The following SLC25A40 variants were observed in gnomAD, a reference collection of about 807,000 sequenced individuals.
SLC25A40 encodes solute carrier family 25 member 40.
Under a neutral mutation model 46.5 loss-of-function variants are expected in SLC25A40, and 41 were observed. The observed-to-expected ratio is 0.88, with a 90% CI of 0.69 to 1.14. The LOEUF (loss-of-function observed/expected upper bound fraction) is 1.14. Ranked by LOEUF, SLC25A40 falls within the 50% of genes most tolerant of loss-of-function variation. SLC25A40 has a pLI of 0.00. For synonymous variants in SLC25A40, 126 were observed against 127.5 expected (o/e 0.99, Z 0.08); for missense variants, 386 against 393.6 (o/e 0.98, Z 0.16).
intron 8 of SLC25A40, among the ~76,000 whole-genome samples, chr7:87,844,865 A>T (rs974373612): frequency 1.2e-4 from 18 of 152,184 alleles, no homozygotes; most frequent in African/African-American, 4.3e-4. Flanking sequence ...TGATGAAGAA[A>T]AACTTGAATC....
intron 11 of SLC25A40, 88 bp from the exon 12 acceptor site, chr7:87,836,449 T>C (rs1584320415): frequency 2.4e-6 from 2 of 845,938 alleles, no homozygotes; most frequent in East Asian, 6.3e-5. Context: ...TTCTGATAAT[T>C]ATCAAATTAA....
At position 87,858,670 on chromosome 7, in the gene SLC25A40, G is replaced by C; in HGVS notation, c.58C>G (p.Leu20Val). Residue 20 changes from leucine (L) to valine (V), a missense_variant, in exon 3 of 12, where the codon CTT (leucine) becomes GTT (valine). Physicochemically the swap from Leu to Val is conservative, Grantham distance 32. Transcript: ENST00000341119. ...IIKVTPLQQM[L>V]ASCTGAILTS... Reference sequence around the variant, plus strand: ...AGTATAGCTCCAGTACATGAGGCAAGCATTTGTTGAAGAGGTGTCACTTTG... The same window carrying C: ...AGTATAGCTCCAGTACATGAGGCAACCATTTGTTGAAGAGGTGTCACTTTG... 6.2e-7 allele frequency: 1 copy of C among 1,612,018 alleles called. No individual in the cohort carries two copies. The highest frequency in any genetic ancestry group is 1.7e-4 in the Middle Eastern group (1 of 6,002).
intron 1 of SLC25A40, among the ~76,000 whole-genome samples, chr7:87,874,875 G>T (rs1232053734): frequency 6.6e-6 from 1 of 152,052 alleles, no homozygotes; most frequent in Non-Finnish European, 1.5e-5. Context: ...TTTCATCAAC[G>T]ACGCTTATAA....
chr7:87,865,811 G>A (rs1838785879), intron 1 of SLC25A40, among the ~76,000 whole-genome samples: 1 of 152,172 alleles, frequency 6.6e-6, no homozygotes, highest in Admixed American at 6.5e-5. Flanking sequence ...ACTGTGCACA[G>A]TGGTCCATGC....
At chr7:87,852,928 T>C (rs1838540670) in intron 5 of SLC25A40, among the ~76,000 whole-genome samples, 1 of 152,174 alleles carries the variant, frequency 6.6e-6, no homozygotes, top group Non-Finnish European at 1.5e-5. Context: ...AGTGTAACAG[T>C]AGATAAAAAG....
chr7:87,846,446 A>C (rs2131001536), intron 8 of SLC25A40, among the ~76,000 whole-genome samples: 1 of 152,276 alleles, frequency 6.6e-6, no homozygotes, highest in Admixed American at 6.5e-5. Flanking sequence ...CACTTTTCAT[A>C]ATTTTCTCCC....
At position 87,847,129 on chromosome 7, in the gene SLC25A40, C is replaced by T. The variant is rs1838433722; in HGVS notation, c.458-7G>A. On this transcript the variant is annotated splice_region_variant and splice_polypyrimidine_tract_variant and intron_variant, in intron 7 of 11. Transcript: ENST00000341119. ...ATCACAGTTACTGCACCAACTAATA[C>T]AAACAAGTTAAAAAAAAGAAAACAA... 1 of 1,569,798 alleles carries T rather than the reference C, an allele frequency of 6.4e-7. No individual in the cohort carries two copies. The highest frequency in any genetic ancestry group is 2.3e-5 in the East Asian group (1 of 44,328).
At chr7:87,847,767 A>G in intron 7 of SLC25A40, 86 bp downstream of exon 7, 5 of 1,325,020 alleles carry the variant, frequency 3.8e-6, no homozygotes, top group Non-Finnish European at 5.1e-6. Context: ...AATACTCTAT[A>G]TATTATACAA....
rs959430870 is a variant in SLC25A40, at chr7:87,843,921, A to G, written c.632-58T>C. The G allele has an allele frequency of 8.2e-6, 12 of 1,471,116 alleles. No homozygotes were observed. In the Admixed American group the frequency reaches 2.5e-4, roughly 31 times the overall value. The allele number at this position is 1,471,116 out of a possible 1,614,324, so 91.1% of individuals were successfully genotyped here. ...TTAGAAATAAAATGTGGACTTTAATAAAAGAGTTATGAGGTTATATATTCA... is the reference window on the plus strand; with the variant it reads ...TTAGAAATAAAATGTGGACTTTAATGAAAGAGTTATGAGGTTATATATTCA... On this transcript the variant is annotated intron_variant, in intron 8 of 11. Coordinates refer to ENST00000341119, the MANE Select transcript of SLC25A40 (RefSeq NM_018843.4).
At chr7:87,856,260 CAT>C in intron 4 of SLC25A40, 30 bp downstream of exon 4, 1 of 1,465,942 alleles carries the variant, frequency 6.8e-7, no homozygotes. Flanking sequence ...AAAAATCAAA[CAT>C]AACATTTTTA....
chr7:87,858,109 C>G (rs780758357), intron 3 of SLC25A40, among the ~76,000 whole-genome samples: 1 of 152,192 alleles, frequency 6.6e-6, no homozygotes, highest in African/African-American at 2.4e-5. Flanking sequence ...GCAACTCCAC[C>G]CTGGTAAATT....
chr7:87,864,081 T>G (rs2131017816), intron 1 of SLC25A40, among the ~76,000 whole-genome samples: 1 of 152,370 alleles, frequency 6.6e-6, no homozygotes, highest in South Asian at 2.1e-4. Context: ...CAGTTAGGGC[T>G]GTGTAGTTTA....
chr7:87,863,730 T>C (rs538744551), intron 1 of SLC25A40, among the ~76,000 whole-genome samples: 5 of 152,260 alleles, frequency 3.3e-5, no homozygotes, highest in African/African-American at 1.2e-4. Flanking sequence ...AACATTCGAA[T>C]TATCTTCCAG....
At chr7:87,846,820 AAGG>A (rs1269230429) in intron 8 of SLC25A40, 126 bp downstream of exon 8, 5 of 604,898 alleles carry the variant, frequency 8.3e-6, no homozygotes, top group Non-Finnish European at 1.3e-5. Context: ...AACAATGAAA[AAGG>A]AGTTTGTGGT....
chr7:87,852,758 A>G (rs1463225761), intron 5 of SLC25A40, among the ~76,000 whole-genome samples: 3 of 152,194 alleles, frequency 2.0e-5, no homozygotes, highest in African/African-American at 4.8e-5. Flanking sequence ...AGGTGCAAAA[A>G]GCAACTCAAT....
rs570335711 is a variant in SLC25A40 at position 87,858,549 on chromosome 7, G to C, written c.97+82C>G. 7 of 781,174 alleles carry C rather than the reference G, an allele frequency of 9.0e-6. No individual in the cohort carries two copies. In the East Asian group the frequency reaches 1.8e-4, roughly 20 times the overall value. The allele number at this position is 781,174 out of a possible 1,614,324, so 48.4% of individuals were successfully genotyped here. ...CTTATGGAAAATAGAAAGAAACTAC[G>C]TTGAAATACTGATACTAAAACTCAA... On this transcript the variant is annotated intron_variant, in intron 3 of 11. Coordinates refer to ENST00000341119, the MANE Select transcript of SLC25A40 (RefSeq NM_018843.4).
At chr7:87,842,746 A>G (rs1371375383) in intron 9 of SLC25A40, among the ~76,000 whole-genome samples, 1 of 152,100 alleles carries the variant, frequency 6.6e-6, no homozygotes, top group Non-Finnish European at 1.5e-5. Context: ...ACAAACCTTT[A>G]TTTGAAAGCT....
rs927495549 is a variant in SLC25A40 at position 87,834,366 on chromosome 7, C to CTT, written c.*1881_*1882dup. On this transcript the variant is annotated 3_prime_UTR_variant, in exon 12 of 12. Transcript: ENST00000341119. ...TATTATTATAGCAAAATTCTGAACA[C>CTT]TTTTTGGTTGTTAGTATATTTTAAA... 3 of 151,540 alleles carry CTT rather than the reference C, an allele frequency of 2.0e-5. No individual in the cohort carries two copies. The highest frequency in any genetic ancestry group is 4.4e-5 in the Non-Finnish European group (3 of 67,744). The allele number at this position is 151,540 out of a possible 1,614,324, so 9.4% of individuals were successfully genotyped here.
chr7:87,845,699 T>A (rs1352444750), intron 8 of SLC25A40, among the ~76,000 whole-genome samples: 1 of 152,148 alleles, frequency 6.6e-6, no homozygotes, highest in African/African-American at 2.4e-5. Context: ...ATTGAAAACC[T>A]ATTTCAGTCC....
Sources: allele counts gnomAD v4.1 joint callset (sites outside exome capture counted in the v4.1 genomes callset), GRCh38; gene constraint gnomAD v4.1.1; transcripts MANE v1.5; gene names NCBI Gene and HGNC (gene_info 2026-07-23, HGNC 2026-07-21).